Variants in MAP1A observed in about 807,000 individuals in gnomAD.
MAP1A encodes the protein microtubule associated protein 1A, also known as microtubule-associated protein 1A.
MAP1A carries 42 observed loss-of-function variants against 185.9 expected under a neutral mutation model. The observed-to-expected ratio is 0.23, with a 90% CI of 0.18 to 0.29. MAP1A has a LOEUF of 0.29. Among genes scored for constraint, MAP1A ranks in the 10% least tolerant of loss-of-function variants. The pLI, the probability that MAP1A is intolerant of heterozygous loss-of-function variation, is 1.00. For missense variants in MAP1A, 2,995 were observed against 3,450.4 expected, an observed-to-expected ratio of 0.87 and a Z score of 3.31; for synonymous variants, 1,229 against 1,335.9, an observed-to-expected ratio of 0.92 and a Z score of 1.74.
At position 43,511,483 on chromosome 15, in the gene MAP1A, G is replaced by A. The variant is rs375190823; in HGVS notation, c.238+257G>A. On this transcript the variant is annotated intron_variant, in intron 1 of 6. Transcript: ENST00000382031. ...GGCAGCGGAGCTCTATGCAGCCCCT[G>A]GGGCCCCTCTGGTCACACCCTCCAC... 1.3e-4 allele frequency among the ~76,000 whole-genome samples: 20 copies of A among 152,298 alleles called. No homozygotes were observed. The South Asian group carries it at 2.3e-3, about 17-fold the overall frequency.
chr15:43,526,259 C>T lies in MAP1A; in HGVS notation c.4786C>T (p.Leu1596=), dbSNP rs2079343036. 1 of 1,613,914 alleles carries T rather than the reference C, an allele frequency of 6.2e-7. No homozygotes were observed. Among genetic ancestry groups the T allele is most frequent in the Non-Finnish European group, 8.5e-7 (1 of 1,180,006 alleles). Residue 1596 remains leucine (L), a synonymous_variant, in exon 4 of 6, where the codon CTA becomes TTA. Coordinates refer to ENST00000300231, the MANE Select transcript of MAP1A (RefSeq NM_002373.6). The surrounding 1 kb of genome is among the most constrained non-coding windows in gnomAD (Gnocchi z 4.7). ...GGATAAAACCAGGAAACCAAAGATG[C>T]TAGAGGAAAAATCCCCAGAAAAGGT... ...QEDKTRKPKM[L]EEKSPEKVKA... is the part of the protein sequence containing the mutation.
Position 43,524,412 on chromosome 15 carries a change from C to G in MAP1A, c.2939C>G (p.Ala980Gly). 2 of 1,614,208 alleles carry G rather than the reference C, an allele frequency of 1.2e-6. No individual in the cohort carries two copies. The highest frequency in any genetic ancestry group is 1.7e-6 in the Non-Finnish European group (2 of 1,180,024). ...LHPGEPALGE[A>G]EERCLSPDDS... ...CCAGGAGAACCAGCCCTTGGAGAAG[C>G]AGAGGAGCGGTGCCTTAGCCCAGAT... is the stretch of plus-strand genomic sequence containing the variant. The change falls in exon 4 of 6, where the codon GCA becomes GGA. Residue 980 changes from alanine to glycine, a missense_variant. Physicochemically the swap from Ala to Gly is moderately conservative, Grantham distance 60. Around this residue, in one of 3 missense-constraint regions of MAP1A, gnomAD observed 2,728 missense variants for 2,986.0 expected, o/e 0.91. Transcript: ENST00000300231.
rs1197951731 is a variant in MAP1A at position 43,525,296 on chromosome 15, G to C, written c.3823G>C (p.Ala1275Pro). Residue 1275 changes from alanine (A) to proline (P), a missense_variant, in exon 4 of 6, where the codon GCA becomes CCA. This residue lies in a region of MAP1A where 2,728 missense variants were observed against 2,986.0 expected (regional missense o/e 0.91). Transcript: ENST00000300231. ...CACAGATGGGACAACTCGATACTCT[G>C]CACAGACAGACATCACAGATGACAG... ...PPTDGTTRYS[A>P]QTDITDDSLD... 1 of 1,614,180 alleles carries C rather than the reference G, an allele frequency of 6.2e-7. No homozygotes were observed.
Position 43,528,352 on chromosome 15 carries a change from G to A in MAP1A, c.6879G>A (p.Met2293Ile). Residue 2293 changes from methionine (M) to isoleucine (I), a missense_variant, in exon 4 of 6, where the codon ATG becomes ATA. This residue lies in a region of MAP1A where 2,728 missense variants were observed against 2,986.0 expected (regional missense o/e 0.91). Coordinates refer to ENST00000300231, the MANE Select transcript of MAP1A (RefSeq NM_002373.6). ...AGTCTGGAGAGCTGGACCCAGGAAT[G>A]GAACCAGCTGCCCACAGCCTCTGGG... is the stretch of plus-strand genomic sequence containing the variant. ...EQESGELDPG[M>I]EPAAHSLWDL... 6.2e-7 allele frequency: 1 copy of A among 1,614,040 alleles called. No individual in the cohort carries two copies. The highest frequency in any genetic ancestry group is 8.5e-7 in the Non-Finnish European group (1 of 1,180,022).
Position 43,527,445 on chromosome 15 carries a change from G to A in MAP1A, c.5972G>A (p.Gly1991Glu), listed in dbSNP as rs2079349881. ...PACPTREPPL[G>E]AAGDWPPCLS... Reference sequence around the variant, plus strand: ...TGCCCCACTAGAGAGCCTCCACTTGGAGCAGCTGGGGATTGGCCCCCATGC... The same window carrying A: ...TGCCCCACTAGAGAGCCTCCACTTGAAGCAGCTGGGGATTGGCCCCCATGC... Residue 1991 changes from glycine (G) to glutamate (E), a missense_variant, in exon 4 of 6, where the codon GGA becomes GAA. Coordinates refer to ENST00000300231, the MANE Select transcript of MAP1A (RefSeq NM_002373.6). 1.2e-6 allele frequency: 2 copies of A among 1,614,134 alleles called. No individual in the cohort carries two copies. The highest frequency in any genetic ancestry group is 1.7e-6 in the Non-Finnish European group (2 of 1,180,006).
chr15:43,520,451 G>GT (rs1397596412), intron 1 of MAP1A, among the ~76,000 whole-genome samples, 190 bp from the exon 2 acceptor site: 1 of 152,156 alleles, frequency 6.6e-6, no homozygotes, highest in Non-Finnish European at 1.5e-5. Context: ...GAGAGGGGAG[G>GT]TGGAAACCCT....
At position 43,520,729 on chromosome 15, in the gene MAP1A, G is replaced by T. The variant is rs1380415768; in HGVS notation, c.-292+6G>T. ...CAGACAGCATCAGCTCTGAGGTAAGGCCAGGGCCTGTGCCTTGCCAAACAG... is the reference window on the plus strand; with the variant it reads ...CAGACAGCATCAGCTCTGAGGTAAGTCCAGGGCCTGTGCCTTGCCAAACAG... On this transcript the variant is annotated splice_donor_region_variant and intron_variant, in intron 2 of 5. Coordinates refer to ENST00000300231, the MANE Select transcript of MAP1A (RefSeq NM_002373.6). The T allele has an allele frequency of 5.2e-6, 8 of 1,545,224 alleles. No individual in the cohort carries two copies. In the Admixed American group the frequency reaches 9.8e-5, roughly 19 times the overall value.
rs1325378950 is a variant in MAP1A at position 43,527,931 on chromosome 15, A to G, written c.6458A>G (p.His2153Arg). 3 of 1,613,890 alleles carry G rather than the reference A, an allele frequency of 1.9e-6. No homozygotes were observed. The highest frequency in any genetic ancestry group is 4.5e-5 in the East Asian group (2 of 44,880). Residue 2153 changes from histidine (H) to arginine (R), a missense_variant, in exon 4 of 6, where the codon CAC (histidine) becomes CGC (arginine). His to Arg is a conservative substitution (Grantham distance 29). Coordinates refer to ENST00000300231, the MANE Select transcript of MAP1A (RefSeq NM_002373.6). ...CATGTTAGCCCTCCCTTGGACTCAC[A>G]CCTGGGGCCTGCCCGACCCAGTCTG... is the stretch of plus-strand genomic sequence containing the variant. ...EAHVSPPLDS[H>R]LGPARPSLDF... is the part of the protein sequence containing the mutation.
At position 43,522,001 on chromosome 15, in the gene MAP1A, A is replaced by G. The variant is rs538481828; in HGVS notation, c.528A>G (p.Leu176=). The G allele has an allele frequency of 8.1e-6, 13 of 1,614,172 alleles. No homozygotes were observed. In the African/African-American group the frequency reaches 1.3e-4, roughly 17 times the overall value. The change falls in exon 4 of 6, where the codon CTA becomes CTG. Residue 176 remains leucine (L), a synonymous_variant. Transcript: ENST00000300231. This position sits in a 1 kb window ranked among gnomAD's most constrained non-coding sequence, Gnocchi z 5.9. ...LNRLGIQAEP[L]YRVVSNTIEP... ...GCCTGGGCATCCAGGCTGAGCCTCT[A>G]TATCGTGTGGTCAGCAATACCATTG... is the stretch of plus-strand genomic sequence containing the variant.
rs780777918 is a variant in MAP1A at position 43,522,040 on chromosome 15, C to T, written c.567C>T (p.Leu189=). 3.7e-6 allele frequency: 6 copies of T among 1,614,198 alleles called. No individual in the cohort carries two copies. In the Middle Eastern group the frequency reaches 6.6e-4, roughly 178 times the overall value. Residue 189 remains leucine (L), a synonymous_variant, in exon 4 of 6, where the codon CTC becomes CTT. Transcript: ENST00000300231. The surrounding 1 kb of genome is among the most constrained non-coding windows in gnomAD (Gnocchi z 5.9). ...VVSNTIEPLT[L]FHKMGVGRLD... ...GCAATACCATTGAGCCACTGACCCT[C>T]TTCCACAAAATGGGTGTGGGCCGGC...
Position 43,526,874 on chromosome 15 carries a change from T to G in MAP1A, c.5401T>G (p.Ser1801Ala). The part of the protein sequence containing the change: ...SPFEIISPPA[S>A]PPEMVGQRVP... ...CTTTGAGATCATCTCCCCTCCAGCT[T>G]CCCCACCTGAGATGGTTGGACAAAG... is the stretch of plus-strand genomic sequence containing the variant. Residue 1801 changes from serine to alanine, a missense_variant, in exon 4 of 6, where the codon TCC (serine) becomes GCC (alanine). Ser to Ala is a moderately conservative substitution (Grantham distance 99, BLOSUM62 1). Coordinates refer to ENST00000300231, the MANE Select transcript of MAP1A (RefSeq NM_002373.6). The surrounding 1 kb of genome is among the most constrained non-coding windows in gnomAD (Gnocchi z 4.7). 2 of 1,614,010 alleles carry G rather than the reference T, an allele frequency of 1.2e-6. No individual in the cohort carries two copies. Among genetic ancestry groups the G allele is most frequent in the Non-Finnish European group, 1.7e-6 (2 of 1,179,980 alleles).
intron 1 of MAP1A, among the ~76,000 whole-genome samples, chr15:43,520,308 AGCTTAGT>A (rs1367670181): frequency 4.6e-5 from 7 of 152,258 alleles, no homozygotes; most frequent in African/African-American, 1.7e-4. Context: ...CAGCACCAGG[AGCTTAGT>A]GCTCGAGAAG....
In MAP1A at chr15:43,528,334, A is replaced by G; in HGVS notation, c.6861A>G (p.Gly2287=). The change falls in exon 4 of 6, where the codon GGA becomes GGG. Residue 2287 remains glycine (G), a synonymous_variant. Transcript: ENST00000300231. ...PSLEAAEQES[G]ELDPGMEPAA... Reference sequence around the variant, plus strand: ...TTGAGGCTGCAGAACAGGAGTCTGGAGAGCTGGACCCAGGAATGGAACCAG... The same window carrying G: ...TTGAGGCTGCAGAACAGGAGTCTGGGGAGCTGGACCCAGGAATGGAACCAG... 6.2e-7 allele frequency: 1 copy of G among 1,614,106 alleles called. No homozygotes were observed. The highest frequency in any genetic ancestry group is 2.2e-5 in the East Asian group (1 of 44,886).
At chr15:43,516,506 G>A (rs1427074658), upstream of MAP1A, among the ~76,000 whole-genome samples, 1 of 152,156 alleles carries the variant, frequency 6.6e-6, no homozygotes, top group Non-Finnish European at 1.5e-5. Context: ...ACTGGGGAGG[G>A]TGGATGGGAA....
In MAP1A at chr15:43,522,003, A is replaced by G. The variant is rs547972664; in HGVS notation, c.530A>G (p.Tyr177Cys). 1.9e-6 allele frequency: 3 copies of G among 1,614,116 alleles called. No individual in the cohort carries two copies. The highest frequency in any genetic ancestry group is 2.2e-5 in the East Asian group (1 of 44,878). ...NRLGIQAEPL[Y>C]RVVSNTIEPL... ...CTGGGCATCCAGGCTGAGCCTCTAT[A>G]TCGTGTGGTCAGCAATACCATTGAG... Residue 177 changes from tyrosine (Y) to cysteine (C), a missense_variant, in exon 4 of 6, where the codon TAT becomes TGT. This residue lies in a region of MAP1A where 264 missense variants were observed against 435.3 expected (regional missense o/e 0.61). Coordinates refer to ENST00000300231, the MANE Select transcript of MAP1A (RefSeq NM_002373.6). The surrounding 1 kb of genome is among the most constrained non-coding windows in gnomAD (Gnocchi z 5.9).
chr15:43,511,173 G>A (rs2079275372), exon 1 of MAP1A: 1 of 1,550,466 alleles, frequency 6.4e-7, no homozygotes. Context: ...ATTGTGATCG[G>A]CGATATCGGT....
Position 43,520,978 on chromosome 15 carries a change from C to T in MAP1A, c.-285C>T. On this transcript the variant is annotated 5_prime_UTR_variant, in exon 3 of 6. Coordinates refer to ENST00000300231, the MANE Select transcript of MAP1A (RefSeq NM_002373.6). ...TCCCCTTCTTCCATTCCAGGTTCAT[C>T]ATCTTCTTAGCAGCTCATCAGCTTA... is the stretch of plus-strand genomic sequence containing the variant. The T allele has an allele frequency of 6.5e-7, 1 of 1,549,888 alleles. No homozygotes were observed. The highest frequency in any genetic ancestry group is 8.7e-7 in the Non-Finnish European group (1 of 1,146,566).
Sources: allele counts gnomAD v4.1 joint callset (sites outside exome capture counted in the v4.1 genomes callset), GRCh38; gene constraint gnomAD v4.1.1; regional missense constraint gnomAD v4.1.1; non-coding constraint Gnocchi (gnomAD v3.1); transcripts MANE v1.5; gene names NCBI Gene and HGNC (gene_info 2026-07-23, HGNC 2026-07-21).